ZNF175: variants seen among roughly 807,000 people sequenced by gnomAD.
ZNF175 encodes the protein zinc finger protein OTK18.
Under a neutral mutation model 14.0 loss-of-function variants are expected in ZNF175, and 8 were observed. The observed-to-expected ratio is 0.57, with a 90% CI of 0.34 to 1.03. ZNF175 has a LOEUF of 1.03. ZNF175 is among the 50% of genes least tolerant of loss of function. ZNF175 has a pLI of 0.03. For synonymous variants in ZNF175, 255 were observed against 296.8 expected (o/e 0.86, Z 1.45); for missense variants, 764 against 849.5 (o/e 0.90, Z 1.25).
chr19:51,578,841 G>A (rs551543274), intron 2 of ZNF175, among the ~76,000 whole-genome samples: 4 of 152,108 alleles, frequency 2.6e-5, no homozygotes, highest in Non-Finnish European at 5.9e-5. Flanking sequence ...AAATGGCCAC[G>A]TGCAGTGGCT....
At position 51,591,463 on chromosome 19, in the gene ZNF175, A is replaced by T. The variant is rs1348540815; in HGVS notation, c.*2996A>T. On this transcript the variant is annotated 3_prime_UTR_variant, in exon 5 of 5. Coordinates refer to ENST00000262259, the MANE Select transcript of ZNF175 (RefSeq NM_007147.4). Reference sequence around the variant, plus strand: ...ATCTGTTGGCTCAGAGAACTAAGAGATGAATAAATGTTAGTCCAATGGCCT... The same window carrying T: ...ATCTGTTGGCTCAGAGAACTAAGAGTTGAATAAATGTTAGTCCAATGGCCT... 1 of 152,224 alleles carries T rather than the reference A, an allele frequency of 6.6e-6. No individual in the cohort carries two copies. The highest frequency in any genetic ancestry group is 1.5e-5 in the Non-Finnish European group (1 of 68,060). The allele number at this position is 152,224 out of a possible 1,614,324, so 9.4% of individuals were successfully genotyped here. A position where few individuals can be genotyped will look rare whatever the true frequency, so the allele number is the denominator to read the frequency against.
intron 4 of ZNF175, among the ~76,000 whole-genome samples, chr19:51,585,585 T>A (rs1982140617): frequency 6.6e-6 from 1 of 152,184 alleles, no homozygotes. Context: ...ACAGTTTAAG[T>A]GACTGAAAGC....
chr19:51,577,802 T>C (rs1370838260), intron 2 of ZNF175, among the ~76,000 whole-genome samples: 2 of 151,900 alleles, frequency 1.3e-5, no homozygotes, highest in East Asian at 2.0e-4. Context: ...TAGCTGGGAC[T>C]AAAGGCGCCC....
intron 1 of ZNF175, among the ~76,000 whole-genome samples, chr19:51,571,971 AT>A (rs1294308533): frequency 6.6e-6 from 1 of 152,138 alleles, no homozygotes; most frequent in Non-Finnish European, 1.5e-5. Context: ...GTGAGGGTGA[AT>A]GCATTGCTTT....
chr19:51,582,351 G>A (rs1242046220), intron 4 of ZNF175, among the ~76,000 whole-genome samples: 3 of 152,190 alleles, frequency 2.0e-5, no homozygotes, highest in Non-Finnish European at 4.4e-5. Flanking sequence ...AGGCTAGGGT[G>A]CAGTGGCACG....
rs748302935 is a variant in ZNF175 at position 51,589,628 on chromosome 19, G to T, written c.*1161G>T. 5.7e-6 allele frequency: 4 copies of T among 696,272 alleles called. No homozygotes were observed. The South Asian group carries it at 6.1e-5, about 11-fold the overall frequency. The allele number at this position is 696,272 out of a possible 1,614,324, so 43.1% of individuals were successfully genotyped here. A position where few individuals can be genotyped will look rare whatever the true frequency, so the allele number is the denominator to read the frequency against. On this transcript the variant is annotated 3_prime_UTR_variant, in exon 5 of 5. Coordinates refer to ENST00000262259, the MANE Select transcript of ZNF175 (RefSeq NM_007147.4). ...ATAATTAGTGCCAACCATTAGTCTC[G>T]TTCATATTTTTACACCAGGAGTCAA...
At chr19:51,572,709 T>C (rs1568571707) in intron 1 of ZNF175, among the ~76,000 whole-genome samples, 1 of 152,318 alleles carries the variant, frequency 6.6e-6, no homozygotes, top group East Asian at 1.9e-4. Context: ...TCAGGCAAAT[T>C]ATGTAACAGC....
At position 51,581,507 on chromosome 19, in the gene ZNF175, C is replaced by T. The variant is rs887549371; in HGVS notation, c.189C>T (p.Leu63=). The change falls in exon 3 of 5, where the codon CTC becomes CTT. Residue 63 remains leucine, a synonymous_variant. Coordinates refer to ENST00000262259, the MANE Select transcript of ZNF175 (RefSeq NM_007147.4). The part of the protein sequence containing the change: ...RDVMLELYSH[L]FAVGYHIPNP... Reference sequence around the variant, plus strand: ...TGATGCTGGAGCTCTATAGCCATCTCTTCGCAGTGGGTGAGCACAACTGAC... The same window carrying T: ...TGATGCTGGAGCTCTATAGCCATCTTTTCGCAGTGGGTGAGCACAACTGAC... 20 of 1,613,022 alleles carry T rather than the reference C, an allele frequency of 1.2e-5. No homozygotes were observed. The East Asian group carries it at 4.5e-4, about 36-fold the overall frequency.
Position 51,573,239 on chromosome 19 carries a change from T to C in ZNF175, c.-91T>C. 2 of 1,302,136 alleles carry C rather than the reference T, an allele frequency of 1.5e-6. No homozygotes were observed. Among genetic ancestry groups the C allele is most frequent in the South Asian group, 1.2e-5 (1 of 83,200 alleles). The allele number at this position is 1,302,136 out of a possible 1,614,324, so 80.7% of individuals were successfully genotyped here. ...GTACGACTCTCCGCCGTGTCCCTGGTTGGAAAATCCAAACACCTATCCAGC... is the reference window on the plus strand; with the variant it reads ...GTACGACTCTCCGCCGTGTCCCTGGCTGGAAAATCCAAACACCTATCCAGC... On this transcript the variant is annotated 5_prime_UTR_variant, in exon 2 of 5. Coordinates refer to ENST00000262259, the MANE Select transcript of ZNF175 (RefSeq NM_007147.4).
intron 2 of ZNF175, 98 bp downstream of exon 2, chr19:51,573,499 C>A: frequency 8.2e-7 from 1 of 1,217,736 alleles, no homozygotes; most frequent in Non-Finnish European, 1.2e-6. Context: ...AGTCTTGAGC[C>A]TCCTGTCAAG....
chr19:51,581,471 G>C lies in ZNF175; in HGVS notation c.153G>C (p.Leu51=), dbSNP rs369786167. The C allele has an allele frequency of 2.5e-6, 4 of 1,614,162 alleles. No homozygotes were observed. The African/African-American group carries it at 5.3e-5, about 22-fold the overall frequency. Residue 51 remains leucine, a synonymous_variant, in exon 3 of 5, where the codon CTG becomes CTC. Transcript: ENST00000262259. ...WQQLDPAQRC[L]YRDVMLELYS... ...AACTGGACCCTGCCCAGAGATGCCT[G>C]TACCGGGATGTGATGCTGGAGCTCT...
chr19:51,582,166 G>A (rs946493746), intron 4 of ZNF175, among the ~76,000 whole-genome samples: 10 of 152,200 alleles, frequency 6.6e-5, no homozygotes, highest in African/African-American at 2.4e-4. Context: ...GGCTGCACCA[G>A]TTCACACTCC....
Position 51,580,443 on chromosome 19 carries a change from G to A in ZNF175, c.73-948G>A, listed in dbSNP as rs566443192. 5.3e-5 allele frequency among the ~76,000 whole-genome samples: 8 copies of A among 152,258 alleles called. No individual in the cohort carries two copies. In the East Asian group the frequency reaches 1.5e-3, roughly 29 times the overall value. ...GCAGTCATTGGTGATCAGTAACAGTGACATTTTTGTTTTGTCCTTCAGGCT... is the reference window on the plus strand; with the variant it reads ...GCAGTCATTGGTGATCAGTAACAGTAACATTTTTGTTTTGTCCTTCAGGCT... On this transcript the variant is annotated intron_variant, in intron 2 of 4. Coordinates refer to ENST00000262259, the MANE Select transcript of ZNF175 (RefSeq NM_007147.4).
At chr19:51,573,678 G>A in intron 2 of ZNF175, 1 of 463,178 alleles carries the variant, frequency 2.2e-6, no homozygotes, top group East Asian at 3.5e-5. Context: ...TGGAAAAGCT[G>A]ACTCTTTCCT....
At position 51,587,532 on chromosome 19, in the gene ZNF175, TC is replaced by T. The variant is rs1408776104; in HGVS notation, c.1204del (p.Gln402LysfsTer61). 3 of 1,613,956 alleles carry T rather than the reference TC, an allele frequency of 1.9e-6. No individual in the cohort carries two copies. The highest frequency in any genetic ancestry group is 2.5e-6 in the Non-Finnish European group (3 of 1,179,978). ...ATGCAGTGAATGTGGCAAAGGCTTC[TC>T]CCAAAACTCAACCCTCATTATACAT... is the stretch of plus-strand genomic sequence containing the variant. Reference protein sequence around the residue: ...YECSECGKGFSQNSTLIIHQK... With the variant: ...YECSECGKGFXQNSTLIIHQK... On this transcript the variant is annotated frameshift_variant, in exon 5 of 5. Transcript: ENST00000262259. LOFTEE classifies it low-confidence loss of function (END_TRUNC).
rs530010608 is a variant in ZNF175 at position 51,575,224 on chromosome 19, T to G, written c.72+1823T>G. Among the ~76,000 whole-genome samples the G allele has an allele frequency of 9.3e-3, 1,328 of 142,968 alleles. 22 individuals carry two copies. Among genetic ancestry groups the G allele is most frequent in the Middle Eastern group, 0.025 (7 of 282 alleles). The allele number at this position is 142,968 out of a possible 152,430, so 93.8% of individuals were successfully genotyped here. On this transcript the variant is annotated intron_variant, in intron 2 of 4. Transcript: ENST00000262259. ...TTTTAGAGAGGTTTTTTTTTTTTTT[T>G]TTTTTTTTTTGAGACGGAGTCTCGC...
In ZNF175 at chr19:51,581,450, G is replaced by A; in HGVS notation, c.132G>A (p.Leu44=). The part of the protein sequence containing the change: ...VDFSREEWQQ[L]DPAQRCLYRD... ...TCAGCAGGGAGGAGTGGCAGCAACT[G>A]GACCCTGCCCAGAGATGCCTGTACC... Residue 44 remains leucine (L), a synonymous_variant, in exon 3 of 5, where the codon CTG becomes CTA. Coordinates refer to ENST00000262259, the MANE Select transcript of ZNF175 (RefSeq NM_007147.4). 6.2e-7 allele frequency: 1 copy of A among 1,614,172 alleles called. No individual in the cohort carries two copies. The highest frequency in any genetic ancestry group is 1.3e-5 in the African/African-American group (1 of 75,036).
At chr19:51,574,382 G>A (rs1169589119) in intron 2 of ZNF175, among the ~76,000 whole-genome samples, 1 of 152,152 alleles carries the variant, frequency 6.6e-6, no homozygotes, top group Non-Finnish European at 1.5e-5. Context: ...GTTCTTAAAA[G>A]AAAAATTGAA....
At chr19:51,579,422 CA>C (rs35607777) in intron 2 of ZNF175, among the ~76,000 whole-genome samples, 1 of 151,230 alleles carries the variant, frequency 6.6e-6, no homozygotes, top group African/African-American at 2.4e-5. Context: ...TTCTATCTCC[CA>C]AAAAAAATTT....
Sources: gnomAD v4.1 joint callset for allele counts (sites outside exome capture counted in the v4.1 genomes callset) on GRCh38, gnomAD v4.1.1 for gene constraint, MANE v1.5 for transcripts, NCBI Gene and HGNC (gene_info 2026-07-23, HGNC 2026-07-21) for gene names.